Variants in ATP13A4 observed in about 807,000 individuals in gnomAD.
The protein encoded by ATP13A4 is probable cation-transporting ATPase 13A4.
ATP13A4 carries 114 observed loss-of-function variants against 142.5 expected under a neutral mutation model. That is an observed-to-expected ratio of 0.80 (90% CI 0.69 to 0.93). The LOEUF (loss-of-function observed/expected upper bound fraction) is 0.93, where lower values mean the gene tolerates loss of function less well. Among genes scored for constraint, ATP13A4 ranks in the 40% least tolerant of loss-of-function variants. ATP13A4 has a pLI of 0.00. For synonymous variants in ATP13A4, 488 were observed against 514.8 expected, an observed-to-expected ratio of 0.95 and a Z score of 0.70; for missense variants, 1,392 against 1,454.0, an observed-to-expected ratio of 0.96 and a Z score of 0.69.
chr3:193,588,510 G>A (rs746529382), intron 1 of ATP13A4, among the ~76,000 whole-genome samples: 5 of 152,042 alleles, frequency 3.3e-5, no homozygotes, highest in South Asian at 2.1e-4. Flanking sequence ...TAAATACTCC[G>A]AAGTATCCTT....
At position 193,435,758 on chromosome 3, in the gene ATP13A4, G is replaced by C; in HGVS notation, c.2673-14C>G. ...GCACGTCCTTCCCTGTGTAAGAAAA[G>C]AAATGATAAAGACATGAAAGTAATG... is the stretch of plus-strand genomic sequence containing the variant. On this transcript the variant is annotated splice_polypyrimidine_tract_variant and intron_variant, in intron 23 of 29. Transcript: ENST00000342695. 1 of 1,604,138 alleles carries C rather than the reference G, an allele frequency of 6.2e-7. No homozygotes were observed.
Position 193,514,701 on chromosome 3 carries a change from T to G in ATP13A4, c.231A>C (p.Thr77=), listed in dbSNP as rs140833714. ...ACATAACCAGGTACACACTTACCGT[T>G]GTCCTCAGCAACACAGTGTCTGCTT... The part of the protein sequence containing the change: ...LQEADTVLLR[T]TDEFQIYSWK... Residue 77 remains threonine, a synonymous_variant, in exon 2 of 30, where the codon ACA becomes ACC. Transcript: ENST00000342695. The G allele has an allele frequency of 8.1e-6, 13 of 1,614,022 alleles. No homozygotes were observed. The African/African-American group carries it at 1.7e-4, about 22-fold the overall frequency.
Position 193,461,247 on chromosome 3 carries a change from T to C in ATP13A4, c.1523+1515A>G, listed in dbSNP as rs12638510. 1.6e-3 allele frequency among the ~76,000 whole-genome samples: 239 copies of C among 152,250 alleles called. 4 individuals are homozygous for C. The South Asian group carries it at 0.019, about 12-fold the overall frequency. On this transcript the variant is annotated intron_variant, in intron 13 of 29. Transcript: ENST00000342695. The stretch of plus-strand genomic sequence containing the variant: ...GGTGTCAATGGAATAAGAAGAACAT[T>C]CAAAAGACAGAACATATTGAGTTCA...
intron 25 of ATP13A4, among the ~76,000 whole-genome samples, chr3:193,431,600 T>C (rs1715973492): frequency 6.8e-6 from 1 of 147,944 alleles, no homozygotes; most frequent in Non-Finnish European, 1.5e-5. Flanking sequence ...TTTCTATATA[T>C]GCATGTGTGT....
At position 193,442,539 on chromosome 3, in the gene ATP13A4, C is replaced by A; in HGVS notation, c.2170G>T (p.Ala724Ser). ...CCAGATTTTCTGGCCACTGTTATTG[C>A]AGTCTGAAGATTGTCACCTAGAGGA... Reference protein sequence around the residue: ...VMITGDNLQTAITVARKSGMV... With the variant: ...VMITGDNLQTSITVARKSGMV... Residue 724 changes from alanine to serine, a missense_variant, in exon 19 of 30, where the codon GCA becomes TCA. Ala to Ser is a moderately conservative substitution (Grantham distance 99, BLOSUM62 1). Transcript: ENST00000342695. 6.2e-7 allele frequency: 1 copy of A among 1,613,854 alleles called. No individual in the cohort carries two copies. The highest frequency in any genetic ancestry group is 8.5e-7 in the Non-Finnish European group (1 of 1,179,822).
At chr3:193,461,890 A>G (rs748316191) in intron 13 of ATP13A4, among the ~76,000 whole-genome samples, 15 of 152,152 alleles carry the variant, frequency 9.9e-5, no homozygotes, top group Admixed American at 2.6e-4. Flanking sequence ...TTACCACACC[A>G]TGCTGAGAAC....
chr3:193,484,063 T>C, intron 7 of ATP13A4, 58 bp from the exon 8 acceptor site: 2 of 1,413,274 alleles, frequency 1.4e-6, no homozygotes, highest in Non-Finnish European at 2.0e-6. Flanking sequence ...TTCTAGGTAT[T>C]ATTAAGGTGC....
At chr3:193,404,119 T>C (rs1714377454) in intron 29 of ATP13A4, 2 of 983,394 alleles carry the variant, frequency 2.0e-6, no homozygotes, top group Admixed American at 1.2e-4. Flanking sequence ...TGCAGCAAGG[T>C]TTTTTTGTCC....
chr3:193,492,271 C>T (rs888260355), intron 5 of ATP13A4, among the ~76,000 whole-genome samples: 1 of 152,088 alleles, frequency 6.6e-6, no homozygotes, highest in Non-Finnish European at 1.5e-5. Flanking sequence ...ATCATAGAAA[C>T]TTAGAACAGC....
intron 1 of ATP13A4, among the ~76,000 whole-genome samples, chr3:193,544,884 C>T (rs1200449617): frequency 6.6e-6 from 1 of 152,098 alleles, no homozygotes; most frequent in Non-Finnish European, 1.5e-5. Context: ...TCTGCCTATG[C>T]TTAATTTCTG....
intron 2 of ATP13A4, among the ~76,000 whole-genome samples, chr3:193,562,314 T>G (rs1047304053): frequency 6.6e-6 from 1 of 152,244 alleles, no homozygotes; most frequent in African/African-American, 2.4e-5. Context: ...AAAGTAGATC[T>G]ATTGTCATAG....
rs201541607 is a variant in ATP13A4 at position 193,484,310 on chromosome 3, A to AAAATAAATAAAT, written c.739-317_739-306dup. Among the ~76,000 whole-genome samples, 1,301 of 144,572 alleles carry AAAATAAATAAAT rather than the reference A, an allele frequency of 9.0e-3. 6 individuals are homozygous for AAAATAAATAAAT. Among genetic ancestry groups the AAAATAAATAAAT allele is most frequent in the Non-Finnish European group, 0.01 (690 of 66,240 alleles). The allele number at this position is 144,572 out of a possible 152,430, so 94.8% of individuals were successfully genotyped here. A position where few individuals can be genotyped will look rare whatever the true frequency, so the allele number is the denominator to read the frequency against. On this transcript the variant is annotated intron_variant, in intron 7 of 29. Transcript: ENST00000342695. Reference sequence around the variant, plus strand: ...GGGCGACAGAACAAGACTCTGTCTCAAAATAAATAAATAAATAAATAAATA... The same window carrying AAAATAAATAAAT: ...GGGCGACAGAACAAGACTCTGTCTCAAAATAAATAAATAAATAAATAAATAAATAAATAAATA...
chr3:193,475,780 T>G (rs1482876139), intron 8 of ATP13A4, among the ~76,000 whole-genome samples: 2 of 152,066 alleles, frequency 1.3e-5, no homozygotes, highest in African/African-American at 4.8e-5. Context: ...TTGAGTGACT[T>G]TAATGAACAA....
chr3:193,577,584 A>T (rs1724423914), intron 2 of ATP13A4, among the ~76,000 whole-genome samples: 1 of 152,246 alleles, frequency 6.6e-6, no homozygotes, highest in Non-Finnish European at 1.5e-5. Context: ...CAATGTATAC[A>T]ATTAACATTG....
chr3:193,465,594 T>A (rs1427606595), intron 11 of ATP13A4, among the ~76,000 whole-genome samples: 1 of 151,922 alleles, frequency 6.6e-6, no homozygotes, highest in East Asian at 1.9e-4. Flanking sequence ...CAAATAGCAA[T>A]AAAAAACCCA....
At chr3:193,537,090 T>C (rs1722628268) in intron 1 of ATP13A4, among the ~76,000 whole-genome samples, 1 of 152,060 alleles carries the variant, frequency 6.6e-6, no homozygotes, top group African/African-American at 2.4e-5. Context: ...GATTTTTCTG[T>C]ATATAAACAG....
At chr3:193,591,537 G>A (rs564527424) in intron 1 of ATP13A4, among the ~76,000 whole-genome samples, 3 of 152,190 alleles carry the variant, frequency 2.0e-5, no homozygotes, top group Non-Finnish European at 4.4e-5. Flanking sequence ...TGGCTAGTAC[G>A]GATGTAATTT....
chr3:193,481,464 T>C (rs565938018), intron 8 of ATP13A4, among the ~76,000 whole-genome samples: 1 of 152,320 alleles, frequency 6.6e-6, no homozygotes, highest in South Asian at 2.1e-4. Flanking sequence ...GTTTCAGTAA[T>C]TGCATAACCT....
upstream of ATP13A4, among the ~76,000 whole-genome samples, chr3:193,557,231 C>T (rs1178004101): frequency 1.3e-5 from 2 of 152,160 alleles, no homozygotes; most frequent in Non-Finnish European, 2.9e-5. Context: ...AATCAGATGT[C>T]CATGGAAAAT....
Sources: allele counts gnomAD v4.1 joint callset (sites outside exome capture counted in the v4.1 genomes callset), GRCh38; gene constraint gnomAD v4.1.1; transcripts MANE v1.5; gene names NCBI Gene and HGNC (gene_info 2026-07-23, HGNC 2026-07-21).